RYR3: variants seen among roughly 807,000 people sequenced by gnomAD.
RYR3 encodes brain ryanodine receptor-calcium release channel.
Under a neutral mutation model 584.3 loss-of-function variants are expected in RYR3, and 207 were observed. The ratio of observed to expected loss-of-function variants is 0.35; its 90% CI spans 0.32 to 0.40. RYR3 has a LOEUF of 0.40. Among genes scored for constraint, RYR3 ranks in the 10% least tolerant of loss-of-function variants. The pLI is 1.00. For synonymous variants in RYR3, 2,416 were observed against 2,248.5 expected (o/e 1.07, Z -2.11); for missense variants, 5,616 against 6,089.2 (o/e 0.92, Z 2.59).
chr15:33,835,669 C>T (rs2077996111), intron 87 of RYR3, among the ~76,000 whole-genome samples: 1 of 152,340 alleles, frequency 6.6e-6, no homozygotes, highest in Admixed American at 6.5e-5. Flanking sequence ...ACATTTGCAG[C>T]TTTAACTTAA....
At chr15:33,664,754 A>G (rs557728769) in intron 36 of RYR3, among the ~76,000 whole-genome samples, 4 of 151,952 alleles carry the variant, frequency 2.6e-5, no homozygotes, top group Admixed American at 1.3e-4. Context: ...GCATACATAC[A>G]TGTATATAAA....
Position 33,613,334 on chromosome 15 carries a change from C to G in RYR3, c.2316C>G (p.Asp772Glu), listed in dbSNP as rs770405615. Residue 772 changes from aspartate to glutamate, a missense_variant, in exon 19 of 104, where the codon GAC (aspartate) becomes GAG (glutamate). Asp to Glu is a conservative substitution (Grantham distance 45). Coordinates refer to ENST00000634891, the MANE Select transcript of RYR3 (RefSeq NM_001036.6). ...VQGMFENFNT[D>E]GLFFPVMSFS... is the part of the protein sequence containing the mutation. ...GGATGTTTGAGAACTTCAACACAGA[C>G]GGGCTCTTCTTCCCTGTGATGAGCT... 1 of 1,612,766 alleles carries G rather than the reference C, an allele frequency of 6.2e-7. No homozygotes were observed. The highest frequency in any genetic ancestry group is 1.3e-5 in the African/African-American group (1 of 75,044).
At chr15:33,571,415 A>G (rs970137066) in intron 12 of RYR3, among the ~76,000 whole-genome samples, 8 of 152,142 alleles carry the variant, frequency 5.3e-5, no homozygotes, top group African/African-American at 2.4e-5. Flanking sequence ...TGTTTCTGTT[A>G]CTGTTGAATT....
intron 31 of RYR3, among the ~76,000 whole-genome samples, chr15:33,650,516 CAG>C (rs2062404343): frequency 6.6e-6 from 1 of 152,206 alleles, no homozygotes; most frequent in East Asian, 1.9e-4. Flanking sequence ...GTTTCTATCA[CAG>C]AGTATTGTGA....
At chr15:33,477,421 A>C (rs2049478805) in intron 2 of RYR3, among the ~76,000 whole-genome samples, 1 of 152,116 alleles carries the variant, frequency 6.6e-6, no homozygotes, top group South Asian at 2.1e-4. Flanking sequence ...AGTATTTAGC[A>C]CTTGGGAAGT....
At chr15:33,611,806 A>C (rs571427298) in intron 18 of RYR3, among the ~76,000 whole-genome samples, 2 of 152,062 alleles carry the variant, frequency 1.3e-5, no homozygotes, top group East Asian at 3.9e-4. Context: ...CTACAGGTGC[A>C]CGTCATCACG....
chr15:33,860,254 A>C (rs2080197858), intron 100 of RYR3, among the ~76,000 whole-genome samples: 1 of 152,220 alleles, frequency 6.6e-6, no homozygotes, highest in African/African-American at 2.4e-5. Flanking sequence ...GATCCACCTC[A>C]GTGTCAGAGG....
rs1333463476 is a variant in RYR3 at position 33,341,186 on chromosome 15, G to A, written c.51+30090G>A. On this transcript the variant is annotated intron_variant, in intron 1 of 103. Transcript: ENST00000634891. ...CCCGAGTAGCTGGGACTACAGGTGC[G>A]CCCCACTGCACCCAGCTAATTTTTG... Among the ~76,000 whole-genome samples, 7 of 151,924 alleles carry A rather than the reference G, an allele frequency of 4.6e-5. 1 individual carries two copies. The highest frequency in any genetic ancestry group is 4.6e-4 in the Admixed American group (7 of 15,258).
At chr15:33,612,780 C>T (rs1349491434) in intron 18 of RYR3, among the ~76,000 whole-genome samples, 1 of 152,190 alleles carries the variant, frequency 6.6e-6, no homozygotes, top group East Asian at 1.9e-4. Context: ...TCTTTGGGCA[C>T]TTACAACTAA....
At chr15:33,853,214 A>T in intron 95 of RYR3, 127 bp downstream of exon 95, 1 of 948,656 alleles carries the variant, frequency 1.1e-6, no homozygotes. Context: ...AAGAAGAGTA[A>T]GTCACAGAAG....
At chr15:33,616,411 G>T (rs954482061) in intron 19 of RYR3, among the ~76,000 whole-genome samples, 8 of 152,142 alleles carry the variant, frequency 5.3e-5, no homozygotes, top group Admixed American at 6.5e-5. Context: ...GACAAGAACC[G>T]CAGTTAGCAG....
chr15:33,690,573 T>G lies in RYR3; in HGVS notation c.5861-5645T>G, dbSNP rs960035733. 2.0e-5 allele frequency among the ~76,000 whole-genome samples: 3 copies of G among 152,240 alleles called. No homozygotes were observed. In the East Asian group the frequency reaches 5.8e-4, roughly 29 times the overall value. On this transcript the variant is annotated intron_variant, in intron 38 of 103. Transcript: ENST00000634891. The stretch of plus-strand genomic sequence containing the variant: ...AGTAAACATGGAAAGCTTCCTCATC[T>G]GTAGCTTTCTAGGTTCATGTCTCAG...
At chr15:33,799,301 G>A (rs2075787976) in intron 67 of RYR3, among the ~76,000 whole-genome samples, 1 of 152,120 alleles carries the variant, frequency 6.6e-6, no homozygotes, top group Non-Finnish European at 1.5e-5. Flanking sequence ...TACCAACTCT[G>A]CAATTAGAGG....
At chr15:33,497,937 T>C (rs1316534202) in intron 2 of RYR3, among the ~76,000 whole-genome samples, 2 of 152,208 alleles carry the variant, frequency 1.3e-5, no homozygotes, top group Non-Finnish European at 2.9e-5. Flanking sequence ...CTTCTTTTAA[T>C]TCCACATGTG....
In RYR3 at chr15:33,362,802, A is replaced by G. The variant is rs566016678; in HGVS notation, c.51+51706A>G. Among the ~76,000 whole-genome samples the G allele has an allele frequency of 1.2e-4, 18 of 152,340 alleles. No individual in the cohort carries two copies. The South Asian group carries it at 3.7e-3, about 32-fold the overall frequency. On this transcript the variant is annotated intron_variant, in intron 1 of 103. Coordinates refer to ENST00000634891, the MANE Select transcript of RYR3 (RefSeq NM_001036.6). ...AGTACCAGAGCAAAACACAAGAGTC[A>G]TCCTCTCCCTTAAGGTTTCTCCAAC...
At chr15:33,836,583 C>T (rs905522951) in intron 87 of RYR3, among the ~76,000 whole-genome samples, 11 of 152,012 alleles carry the variant, frequency 7.2e-5, no homozygotes, top group African/African-American at 1.9e-4. Flanking sequence ...ATAATGACAA[C>T]GTAAACTACT....
chr15:33,644,033 A>C (rs1382135543), intron 27 of RYR3, among the ~76,000 whole-genome samples: 1 of 152,116 alleles, frequency 6.6e-6, no homozygotes, highest in Admixed American at 6.5e-5. Context: ...GTTGATATTT[A>C]TTTATATCTT....
intron 32 of RYR3, among the ~76,000 whole-genome samples, chr15:33,655,095 C>T (rs960702000): frequency 6.6e-6 from 1 of 152,242 alleles, no homozygotes; most frequent in Non-Finnish European, 1.5e-5. Flanking sequence ...CCTCCTCTTC[C>T]TGGGAGAAAG....
chr15:33,333,362 A>T (rs1404078725), intron 1 of RYR3, among the ~76,000 whole-genome samples: 4 of 151,842 alleles, frequency 2.6e-5, no homozygotes, highest in African/African-American at 9.7e-5. Flanking sequence ...TCAGGTAGGC[A>T]TCATCTCCAG....
Sources: gnomAD v4.1 joint callset for allele counts (sites outside exome capture counted in the v4.1 genomes callset) on GRCh38, gnomAD v4.1.1 for gene constraint, MANE v1.5 for transcripts, NCBI Gene and HGNC (gene_info 2026-07-23, HGNC 2026-07-21) for gene names.